Variants in SLC7A6OS observed in about 807,000 individuals in gnomAD.
The protein encoded by SLC7A6OS is probable RNA polymerase II nuclear localization protein SLC7A6OS.
In SLC7A6OS, 22 loss-of-function variants were observed where a neutral mutation model predicts 34.3. The observed-to-expected ratio is 0.64, with a 90% confidence interval of 0.46 to 0.92. The LOEUF (loss-of-function observed/expected upper bound fraction) is 0.92, where lower values mean the gene tolerates loss of function less well. SLC7A6OS is among the 40% of genes least tolerant of loss of function. SLC7A6OS has a pLI of 0.00. For synonymous variants in SLC7A6OS, 199 were observed against 165.0 expected (o/e 1.21, Z -1.58); for missense variants, 434 against 407.7 (o/e 1.06, Z -0.56).
chr16:68,301,171 A>G lies in SLC7A6OS; in HGVS notation c.*104T>C, dbSNP rs2043265570. 1 of 1,494,104 alleles carries G rather than the reference A, an allele frequency of 6.7e-7. No homozygotes were observed. 92.6% of individuals were successfully genotyped at this position (1,494,104 alleles called of 1,614,324 possible). On this transcript the variant is annotated 3_prime_UTR_variant, in exon 5 of 5. Coordinates refer to ENST00000263997, the MANE Select transcript of SLC7A6OS (RefSeq NM_032178.3). ...ATATGCTTGATATGCTTTTCCTTCC[A>G]CATGTTAAGCTAGGAAACCTAACAG...
chr16:68,306,448 A>G lies in SLC7A6OS; in HGVS notation c.472-2216T>C, dbSNP rs1002066084. Among the ~76,000 whole-genome samples the G allele has an allele frequency of 2.0e-5, 3 of 152,002 alleles. No individual in the cohort carries two copies. The South Asian group carries it at 6.2e-4, about 31-fold the overall frequency. ...TGGTCAGGCTGGTCTCAAACTCCTG[A>G]CCTCATGATCCACCCACCTTGGCCT... On this transcript the variant is annotated intron_variant, in intron 2 of 4. Transcript: ENST00000263997.
chr16:68,300,969 G>A lies in SLC7A6OS; in HGVS notation c.*306C>T. Reference sequence around the variant, plus strand: ...TGTGGTTTCAGCACAGAACCTGAATGCCAGGAAAAATTCCTGGGCCAAGAA... The same window carrying A: ...TGTGGTTTCAGCACAGAACCTGAATACCAGGAAAAATTCCTGGGCCAAGAA... On this transcript the variant is annotated 3_prime_UTR_variant, in exon 5 of 5. Coordinates refer to ENST00000263997, the MANE Select transcript of SLC7A6OS (RefSeq NM_032178.3). The A allele has an allele frequency of 9.7e-7, 1 of 1,029,848 alleles. No homozygotes were observed. The highest frequency in any genetic ancestry group is 1.2e-6 in the Non-Finnish European group (1 of 859,132). 63.8% of individuals were successfully genotyped at this position (1,029,848 alleles called of 1,614,324 possible).
rs753844627 is a variant in SLC7A6OS, at chr16:68,302,465, C to T, written c.715G>A (p.Asp239Asn). 6 of 1,614,030 alleles carry T rather than the reference C, an allele frequency of 3.7e-6. No homozygotes were observed. The Admixed American group carries it at 6.7e-5, about 18-fold the overall frequency. ...TTCTCACTGTTCTCGTCATCTTCAT[C>T]GTCGTAAATGTCCTCTGGTTCTTGA... is the stretch of plus-strand genomic sequence containing the variant. ...DDQEPEDIYD[D>N]EDDENSENNW... Residue 239 changes from aspartate (D) to asparagine (N), a missense_variant, in exon 4 of 5, where the codon GAT becomes AAT. Physicochemically the swap from Asp to Asn is conservative, Grantham distance 23. Transcript: ENST00000263997.
intron 2 of SLC7A6OS, among the ~76,000 whole-genome samples, chr16:68,309,347 C>T (rs868455113): frequency 9.2e-5 from 14 of 152,086 alleles, no homozygotes; most frequent in Middle Eastern, 6.8e-3. Context: ...CCTCCCAAAG[C>T]GCTGGGATTA....
Position 68,300,910 on chromosome 16 carries a change from T to A in SLC7A6OS, c.*365A>T. 1.0e-6 allele frequency: 1 copy of A among 997,524 alleles called. No individual in the cohort carries two copies. The highest frequency in any genetic ancestry group is 1.2e-6 in the Non-Finnish European group (1 of 837,728). 61.8% of individuals were successfully genotyped at this position (997,524 alleles called of 1,614,324 possible). ...CCTGGTGGTATGGCACAGCAGAAGC[T>A]TACTGCTAATGAAATGGGAACCTCC... is the stretch of plus-strand genomic sequence containing the variant. On this transcript the variant is annotated 3_prime_UTR_variant, in exon 5 of 5. Transcript: ENST00000263997.
intron 2 of SLC7A6OS, among the ~76,000 whole-genome samples, chr16:68,308,760 G>A (rs2043344861): frequency 6.6e-6 from 1 of 151,634 alleles, no homozygotes; most frequent in Admixed American, 6.6e-5. Context: ...TTTATCAAGA[G>A]AGGGCATATT....
Position 68,302,419 on chromosome 16 carries a change from G to T in SLC7A6OS, c.761C>A (p.Pro254Gln). 1.2e-6 allele frequency: 2 copies of T among 1,614,098 alleles called. No homozygotes were observed. The highest frequency in any genetic ancestry group is 1.7e-6 in the Non-Finnish European group (2 of 1,179,990). ...ATCTCCATCACTGCTCTCCTCCTCT[G>T]GGTACTCATTGCGCCAGTTATTCTC... ...NSENNWRNEY[P>Q]EEESSDGDED... Residue 254 changes from proline (P) to glutamine (Q), a missense_variant, in exon 4 of 5, where the codon CCA becomes CAA. By Grantham distance (76) the Pro-to-Gln change is moderately conservative. Transcript: ENST00000263997.
chr16:68,306,039 A>G (rs1300093949), intron 2 of SLC7A6OS, among the ~76,000 whole-genome samples: 2 of 152,190 alleles, frequency 1.3e-5, no homozygotes, highest in Non-Finnish European at 2.9e-5. Context: ...TGGGCAACAG[A>G]GCGAGACGCT....
In SLC7A6OS at chr16:68,300,554, T is replaced by C. The variant is rs1455171335; in HGVS notation, c.*721A>G. On this transcript the variant is annotated 3_prime_UTR_variant, in exon 5 of 5. Transcript: ENST00000263997. ...TTTATAATCAATGCTGAACCTTCTA[T>C]TTCACTACCGCTCCCTGTTTTAGAT... is the stretch of plus-strand genomic sequence containing the variant. 1.1e-6 allele frequency: 1 copy of C among 933,102 alleles called. No individual in the cohort carries two copies. Among genetic ancestry groups the C allele is most frequent in the Non-Finnish European group, 1.3e-6 (1 of 782,438 alleles). The allele number at this position is 933,102 out of a possible 1,614,324, so 57.8% of individuals were successfully genotyped here.
chr16:68,302,807 C>T lies in SLC7A6OS; in HGVS notation c.679-306G>A, dbSNP rs560838125. Among the ~76,000 whole-genome samples the T allele has an allele frequency of 3.3e-5, 5 of 152,196 alleles. No homozygotes were observed. The South Asian group carries it at 6.2e-4, about 19-fold the overall frequency. On this transcript the variant is annotated intron_variant, in intron 3 of 4. Coordinates refer to ENST00000263997, the MANE Select transcript of SLC7A6OS (RefSeq NM_032178.3). ...CCAAAGGTCAAAACCAAAACCCAAGCGTAAGAGGTGCGGAAAGGCAGGAGG... is the reference window on the plus strand; with the variant it reads ...CCAAAGGTCAAAACCAAAACCCAAGTGTAAGAGGTGCGGAAAGGCAGGAGG...
intron 2 of SLC7A6OS, among the ~76,000 whole-genome samples, chr16:68,309,595 A>C (rs1214978975): frequency 1.3e-5 from 2 of 152,226 alleles, no homozygotes; most frequent in African/African-American, 4.8e-5. Context: ...AAGTGATTGC[A>C]AATGAAGTTA....
chr16:68,305,163 C>G (rs1312813019), intron 2 of SLC7A6OS, among the ~76,000 whole-genome samples: 2 of 152,164 alleles, frequency 1.3e-5, no homozygotes, highest in Non-Finnish European at 2.9e-5. Context: ...ACAATGTTCT[C>G]TCTTTGGGGA....
rs1388024505 is a variant in SLC7A6OS, at chr16:68,299,980, G to C, written c.*1295C>G. ...GAATGATGGCAGGTAGGATGAAGGA[G>C]AGATACTTAGGAAATCCTAAAAGAG... On this transcript the variant is annotated 3_prime_UTR_variant, in exon 5 of 5. Transcript: ENST00000263997. The C allele has an allele frequency of 6.6e-6, 1 of 152,140 alleles. No individual in the cohort carries two copies. The highest frequency in any genetic ancestry group is 1.5e-5 in the Non-Finnish European group (1 of 68,038). 9.4% of individuals were successfully genotyped at this position (152,140 alleles called of 1,614,324 possible). A position where few individuals can be genotyped will look rare whatever the true frequency, so the allele number is the denominator to read the frequency against.
Position 68,310,918 on chromosome 16 carries a change from G to T in SLC7A6OS, c.9C>A (p.Ala3=). ME[A]ARTAVLRVKR... ...TCACCCGGAGTACAGCGGTCCTGGC[G>T]GCCTCCATAGTGGCTGCCGCTGAGC... The change falls in exon 1 of 5, where the codon GCC becomes GCA. Residue 3 remains alanine, a synonymous_variant. Transcript: ENST00000263997. 6.3e-7 allele frequency: 1 copy of T among 1,582,576 alleles called. No homozygotes were observed. Among genetic ancestry groups the T allele is most frequent in the South Asian group, 1.1e-5 (1 of 88,756 alleles).
At chr16:68,306,780 C>T (rs896246314) in intron 2 of SLC7A6OS, among the ~76,000 whole-genome samples, 4 of 152,174 alleles carry the variant, frequency 2.6e-5, no homozygotes, top group Non-Finnish European at 5.9e-5. Flanking sequence ...GAGTAACCCA[C>T]CGTACCCTTG....
intron 2 of SLC7A6OS, among the ~76,000 whole-genome samples, chr16:68,309,313 C>T (rs2043370553): frequency 6.6e-6 from 1 of 151,918 alleles, no homozygotes; most frequent in South Asian, 2.1e-4. Flanking sequence ...CCCAGGCTGG[C>T]CTCAAGCGAC....
In SLC7A6OS at chr16:68,310,373, C is replaced by T; in HGVS notation, c.433G>A (p.Glu145Lys). Residue 145 changes from glutamate (E) to lysine (K), a missense_variant, in exon 2 of 5, where the codon GAG becomes AAG. Transcript: ENST00000263997. ...GCAGAGGCGGCTTCAGGTTCTCCCT[C>T]CTCGTGGACAAGGTCTAACAACTGA... is the stretch of plus-strand genomic sequence containing the variant. ...GFQLLDLVHEEGEPEAASAGS... is the reference protein window; with the variant it reads ...GFQLLDLVHEKGEPEAASAGS... 6.2e-7 allele frequency: 1 copy of T among 1,610,296 alleles called. No individual in the cohort carries two copies. Among genetic ancestry groups the T allele is most frequent in the Non-Finnish European group, 8.5e-7 (1 of 1,177,462 alleles).
intron 2 of SLC7A6OS, 136 bp downstream of exon 2, chr16:68,310,199 C>T (rs2043436849): frequency 9.8e-7 from 1 of 1,020,330 alleles, no homozygotes; most frequent in South Asian, 1.8e-5. Flanking sequence ...GGATGAACAA[C>T]CAAATCTGTA....
intron 2 of SLC7A6OS, among the ~76,000 whole-genome samples, chr16:68,305,487 T>C (rs1462190210): frequency 1.3e-5 from 2 of 152,170 alleles, no homozygotes; most frequent in African/African-American, 4.8e-5. Context: ...CACAGGGACA[T>C]GCTGCAGATG....
Sources: gnomAD v4.1 joint callset for allele counts (sites outside exome capture counted in the v4.1 genomes callset) on GRCh38, gnomAD v4.1.1 for gene constraint, MANE v1.5 for transcripts, NCBI Gene and HGNC (gene_info 2026-07-23, HGNC 2026-07-21) for gene names.